The following ZNF503 variants were observed in gnomAD, a reference collection of about 807,000 sequenced individuals.
ZNF503 encodes zinc finger protein 503, also known as NocA-like zinc finger 2.
A neutral mutation model predicts 34.4 loss-of-function variants in ZNF503; 15 were observed. That is an observed-to-expected ratio of 0.44 (90% CI 0.29 to 0.67). The LOEUF is 0.67. ZNF503 is among the 30% of genes least tolerant of loss of function. ZNF503 has a pLI of 0.13. For synonymous variants in ZNF503, 580 were observed against 456.8 expected, an observed-to-expected ratio of 1.27 and a Z score of -3.44; for missense variants, 1,007 against 926.8, an observed-to-expected ratio of 1.09 and a Z score of -1.12.
At chr10:75,321,877 G>T in the ZNF503 span, among the ~76,000 whole-genome samples, 3 of 152,130 alleles carry the variant, frequency 2.0e-5, no homozygotes, top group African/African-American at 7.2e-5. Flanking sequence ...GAAAAGAAAA[G>T]CCTATTTTCA....
the ZNF503 span, among the ~76,000 whole-genome samples, chr10:75,306,532 T>C: frequency 6.6e-6 from 1 of 152,246 alleles, no homozygotes; most frequent in Non-Finnish European, 1.5e-5. Context: ...ATCTGATGCA[T>C]AGAAGTTTTT....
chr10:75,333,322 G>A, the ZNF503 span, among the ~76,000 whole-genome samples: 1 of 54,590 alleles, frequency 1.8e-5, no homozygotes, highest in Non-Finnish European at 3.5e-5. Context: ...GCGGCTGGCT[G>A]GGCAGAGGGG....
the ZNF503 span, among the ~76,000 whole-genome samples, chr10:75,382,214 T>G: frequency 6.6e-6 from 1 of 152,198 alleles, no homozygotes; most frequent in Non-Finnish European, 1.5e-5. Flanking sequence ...CATACTTTTT[T>G]TTCATGTTTC....
the ZNF503 span, among the ~76,000 whole-genome samples, chr10:75,326,447 T>C: frequency 5.4e-3 from 822 of 152,256 alleles, 8 homozygotes; most frequent in Non-Finnish European, 9.2e-3. Flanking sequence ...TGGCTGGAAA[T>C]GTCTTTATTT....
the ZNF503 span, among the ~76,000 whole-genome samples, chr10:75,329,420 TTCCTTCC>T: frequency 1.8e-5 from 1 of 56,788 alleles, no homozygotes; most frequent in African/African-American, 8.6e-5. Context: ...CTTCCTTTCC[TTCCTTCC>T]TTCCTTCCTT....
chr10:75,346,025 A>G, the ZNF503 span, among the ~76,000 whole-genome samples: 5 of 152,182 alleles, frequency 3.3e-5, no homozygotes, highest in African/African-American at 1.2e-4. Context: ...GACTGATAAG[A>G]CTGTTCAGTT....
At position 75,401,680 on chromosome 10, in the gene ZNF503, G is replaced by A. The variant is rs1230057217; in HGVS notation, c.-261C>T. The A allele has an allele frequency of 2.1e-6, 1 of 478,082 alleles. No individual in the cohort carries two copies. Among genetic ancestry groups the A allele is most frequent in the Non-Finnish European group, 3.6e-6 (1 of 274,984 alleles). 29.6% of individuals were successfully genotyped at this position (478,082 alleles called of 1,614,324 possible). On this transcript the variant is annotated 5_prime_UTR_variant, in exon 1 of 2. Transcript: ENST00000372524. ...GGGCGGCTCGCGGTGTCCGCCTCGG[G>A]CTGCTCCCCTGCGCTGCGTTCTCGC...
chr10:75,342,990 G>A, the ZNF503 span, among the ~76,000 whole-genome samples: 30 of 152,300 alleles, frequency 2.0e-4, no homozygotes, highest in African/African-American at 7.2e-4. Context: ...TAATCTGAGG[G>A]GTCAGGGGAG....
At chr10:75,304,381 T>G in the ZNF503 span, among the ~76,000 whole-genome samples, 1 of 145,242 alleles carries the variant, frequency 6.9e-6, no homozygotes, top group East Asian at 1.9e-4. Context: ...TTTAGTAAAC[T>G]TGGTTATTAG....
the ZNF503 span, among the ~76,000 whole-genome samples, chr10:75,329,682 G>A: frequency 6.6e-6 from 1 of 151,852 alleles, no homozygotes; most frequent in African/African-American, 2.4e-5. Context: ...TTTCTTTGTT[G>A]CCCAGGCTGG....
the ZNF503 span, among the ~76,000 whole-genome samples, chr10:75,340,165 G>A: frequency 7.0e-6 from 1 of 142,446 alleles, no homozygotes; most frequent in Non-Finnish European, 1.5e-5. Context: ...GCCGGGGGGA[G>A]GGGGCGGGGG....
At chr10:75,303,611 A>C in the ZNF503 span, among the ~76,000 whole-genome samples, 1 of 152,028 alleles carries the variant, frequency 6.6e-6, no homozygotes, top group African/African-American at 2.4e-5. Flanking sequence ...GTGAGTAGAC[A>C]CTCTAGTGTT....
chr10:75,292,199 T>C, the ZNF503 span, among the ~76,000 whole-genome samples: 1 of 152,338 alleles, frequency 6.6e-6, no homozygotes, highest in Admixed American at 6.5e-5. Context: ...CAGTGGGTTC[T>C]TACTCATGTA....
chr10:75,393,739 A>G (rs1281668963), downstream of ZNF503, among the ~76,000 whole-genome samples: 1 of 152,050 alleles, frequency 6.6e-6, no homozygotes, highest in Non-Finnish European at 1.5e-5. Context: ...CACGTCTGTA[A>G]TTTTAGCTAC....
the ZNF503 span, among the ~76,000 whole-genome samples, chr10:75,312,923 G>A: frequency 1.3e-5 from 2 of 152,132 alleles, no homozygotes; most frequent in Non-Finnish European, 2.9e-5. Flanking sequence ...TTTTGTGATA[G>A]TGAATAAGTC....
the ZNF503 span, among the ~76,000 whole-genome samples, chr10:75,390,724 G>A: frequency 6.6e-6 from 1 of 152,126 alleles, no homozygotes; most frequent in Non-Finnish European, 1.5e-5. Flanking sequence ...GGGGTGCGGG[G>A]GAGTCTGCCA....
At chr10:75,346,381 C>A in the ZNF503 span, among the ~76,000 whole-genome samples, 1 of 151,798 alleles carries the variant, frequency 6.6e-6, no homozygotes. Context: ...CTTTTCTTTT[C>A]TCTTCTCTTC....
chr10:75,343,702 T>G, the ZNF503 span, among the ~76,000 whole-genome samples: 87 of 152,302 alleles, frequency 5.7e-4, no homozygotes, highest in Middle Eastern at 3.4e-3. Flanking sequence ...CCTCCCTGGA[T>G]TTCTGCGGCC....
chr10:75,328,147 A>G, the ZNF503 span, among the ~76,000 whole-genome samples: 1 of 152,016 alleles, frequency 6.6e-6, no homozygotes, highest in Non-Finnish European at 1.5e-5. Context: ...TATGCTTTTG[A>G]GGTCTTCTCC....
Sources: allele counts gnomAD v4.1 joint callset (sites outside exome capture counted in the v4.1 genomes callset), GRCh38; gene constraint gnomAD v4.1.1; transcripts MANE v1.5; gene names NCBI Gene and HGNC (gene_info 2026-07-23, HGNC 2026-07-21).